ADGRA3: variants seen among roughly 807,000 people sequenced by gnomAD.
ADGRA3 encodes adhesion G protein-coupled receptor A3, also known as G-protein coupled receptor 125.
In ADGRA3, 56 loss-of-function variants were observed where a neutral mutation model predicts 119.8. That is an observed-to-expected ratio of 0.47 (90% confidence interval 0.38 to 0.58). The LOEUF is 0.58. Among genes scored for constraint, ADGRA3 ranks in the 20% least tolerant of loss-of-function variants. The probability of loss-of-function intolerance (pLI) is 0.00; values close to 1 mark genes in which losing one functional copy is unlikely to be tolerated. For synonymous variants in ADGRA3, 607 were observed against 623.8 expected (o/e 0.97, Z 0.40); for missense variants, 1,516 against 1,649.0 (o/e 0.92, Z 1.40).
chr4:22,468,654 A>G (rs1237799043), intron 2 of ADGRA3, among the ~76,000 whole-genome samples: 1 of 151,950 alleles, frequency 6.6e-6, no homozygotes, highest in African/African-American at 2.4e-5. Flanking sequence ...CTGTAATCCC[A>G]GCTGCTTGGG....
intron 14 of ADGRA3, among the ~76,000 whole-genome samples, chr4:22,412,521 A>C (rs1715247803): frequency 6.9e-6 from 1 of 144,078 alleles, no homozygotes. Context: ...AGGAATGATG[A>C]ACTGGTAAGT....
At chr4:22,404,136 T>C (rs755458718) in intron 14 of ADGRA3, among the ~76,000 whole-genome samples, 4 of 152,176 alleles carry the variant, frequency 2.6e-5, no homozygotes, top group Non-Finnish European at 4.4e-5. Context: ...CTTTCTGCAC[T>C]GACTCTTATA....
intron 17 of ADGRA3, among the ~76,000 whole-genome samples, chr4:22,391,808 T>G (rs1393183113): frequency 6.6e-6 from 1 of 152,172 alleles, no homozygotes; most frequent in Admixed American, 6.5e-5. Context: ...CAGCTCACTC[T>G]TCACTTCTAC....
intron 3 of ADGRA3, among the ~76,000 whole-genome samples, chr4:22,457,814 G>C (rs6448158): frequency 0.72 from 661 of 912 alleles, 277 homozygotes; most frequent in East Asian, 1. Flanking sequence ...TTTCTTCAAA[G>C]TATATCTCAG....
chr4:22,413,293 A>C lies in ADGRA3; in HGVS notation c.2121T>G (p.Asp707Glu), dbSNP rs142367791. ...TCCAGCCTCCTTGTCCGTTCAGCAA[A>C]TCGAAATCCCACCGGGCTGCAACAG... ...ADAVAARWDF[D>E]LLNGQGGWKS... The change falls in exon 14 of 19, where the codon GAT becomes GAG. Residue 707 changes from aspartate (D) to glutamate (E), a missense_variant. Physicochemically the swap from Asp to Glu is conservative, Grantham distance 45. This residue lies in a region of ADGRA3 where 1,088 missense variants were observed against 1,107.1 expected (regional missense o/e 0.98). Coordinates refer to ENST00000334304, the MANE Select transcript of ADGRA3 (RefSeq NM_145290.4). 5.0e-6 allele frequency: 8 copies of C among 1,614,008 alleles called. No individual in the cohort carries two copies. Among genetic ancestry groups the C allele is most frequent in the Non-Finnish European group, 6.8e-6 (8 of 1,179,996 alleles).
chr4:22,468,792 G>A (rs1717754934), intron 2 of ADGRA3, among the ~76,000 whole-genome samples: 1 of 151,362 alleles, frequency 6.6e-6, no homozygotes. Context: ...AGATAGAGAT[G>A]GAAGAAGGAA....
chr4:22,505,718 G>A (rs551548689), intron 1 of ADGRA3, among the ~76,000 whole-genome samples: 2 of 151,354 alleles, frequency 1.3e-5, no homozygotes, highest in South Asian at 2.1e-4. Flanking sequence ...TATAACAATA[G>A]AGGAAGATGC....
At chr4:22,473,737 A>G (rs781025313) in intron 2 of ADGRA3, 35 bp downstream of exon 2, 10 of 1,257,502 alleles carry the variant, frequency 8.0e-6, no homozygotes, top group South Asian at 1.5e-5. Context: ...GCATTAAACA[A>G]AATAATAATG....
chr4:22,447,547 C>A (rs1326321361), intron 4 of ADGRA3, 36 bp from the exon 5 acceptor site: 11 of 1,186,104 alleles, frequency 9.3e-6, no homozygotes, highest in Middle Eastern at 3.9e-4. Context: ...TTTAAAAATA[C>A]AATTATCTAT....
intron 14 of ADGRA3, among the ~76,000 whole-genome samples, chr4:22,405,519 C>T (rs1714878160): frequency 6.7e-6 from 1 of 150,238 alleles, no homozygotes; most frequent in Non-Finnish European, 1.5e-5. Context: ...GCACTCCAGC[C>T]TGGGCAACAG....
At chr4:22,402,354 G>A (rs1560298178) in intron 15 of ADGRA3, among the ~76,000 whole-genome samples, 1 of 152,048 alleles carries the variant, frequency 6.6e-6, no homozygotes. Flanking sequence ...TACCTCTGCA[G>A]GTAAGAAACT....
chr4:22,423,818 C>G (rs1715812045), intron 11 of ADGRA3, among the ~76,000 whole-genome samples: 1 of 152,136 alleles, frequency 6.6e-6, no homozygotes. Flanking sequence ...TGGGGCAATA[C>G]AATAGTGTTC....
intron 1 of ADGRA3, chr4:22,515,205 T>A: frequency 4.9e-6 from 1 of 203,282 alleles, no homozygotes; most frequent in Non-Finnish European, 9.9e-6. Flanking sequence ...GCTTTAACTC[T>A]GTTGACTGCG....
chr4:22,461,022 T>TA (rs1313205658), intron 3 of ADGRA3, among the ~76,000 whole-genome samples: 2 of 152,178 alleles, frequency 1.3e-5, no homozygotes, highest in Non-Finnish European at 2.9e-5. Context: ...TCAGAAGCAA[T>TA]AAAAACTGGT....
chr4:22,484,646 G>A (rs1027385004), intron 1 of ADGRA3, among the ~76,000 whole-genome samples: 4 of 140,844 alleles, frequency 2.8e-5, no homozygotes, highest in African/African-American at 7.4e-5. Context: ...GTACTAAAAT[G>A]ATACCATGCA....
intron 9 of ADGRA3, among the ~76,000 whole-genome samples, chr4:22,435,750 T>C (rs1039536961): frequency 4.6e-5 from 7 of 152,178 alleles, no homozygotes; most frequent in African/African-American, 1.7e-4. Flanking sequence ...CTATCCAAAT[T>C]CTACACATAC....
In ADGRA3 at chr4:22,387,950, C is replaced by T. The variant is rs756895556; in HGVS notation, c.3721G>A (p.Asp1241Asn). ...CTTTTGGGAAGTGTGCTACAAGCAT[C>T]GCTGCTGTCTTGCTGGGGTGGGTTG... ...QYNPPQQDSS[D>N]ACSTLPKSSR... Residue 1241 changes from aspartate to asparagine, a missense_variant, in exon 19 of 19, where the codon GAT (aspartate) becomes AAT (asparagine). By Grantham distance (23) the Asp-to-Asn change is conservative. Around this residue, in one of 2 missense-constraint regions of ADGRA3, gnomAD observed 1,088 missense variants for 1,107.1 expected, o/e 0.98. Transcript: ENST00000334304. The T allele has an allele frequency of 1.3e-5, 21 of 1,614,128 alleles. No individual in the cohort carries two copies. In the Middle Eastern group the frequency reaches 1.3e-3, roughly 101 times the overall value.
chr4:22,498,371 C>A (rs1026640497), intron 1 of ADGRA3, among the ~76,000 whole-genome samples: 1 of 152,160 alleles, frequency 6.6e-6, no homozygotes, highest in African/African-American at 2.4e-5. Flanking sequence ...GTAATCCCAG[C>A]ACTTTGGGAG....
At chr4:22,468,067 T>A (rs61792037) in intron 2 of ADGRA3, among the ~76,000 whole-genome samples, 13,215 of 152,270 alleles carry the variant, frequency 0.087, 828 homozygotes, top group African/African-American at 0.18. Flanking sequence ...CCTTTGTGGT[T>A]GGTTCCACGC....
Sources: gnomAD v4.1 joint callset for allele counts (sites outside exome capture counted in the v4.1 genomes callset) on GRCh38, gnomAD v4.1.1 for gene constraint, gnomAD v4.1.1 regional missense constraint, MANE v1.5 for transcripts, NCBI Gene and HGNC (gene_info 2026-07-23, HGNC 2026-07-21) for gene names.